The following SV2B variants were observed in gnomAD, a reference collection of about 807,000 sequenced individuals.
SV2B encodes the protein synaptic vesicle glycoprotein 2B.
Under a neutral mutation model 73.9 loss-of-function variants are expected in SV2B, and 41 were observed. The ratio of observed to expected loss-of-function variants is 0.56; its 90% confidence interval spans 0.43 to 0.72. SV2B has a LOEUF of 0.72. SV2B is among the 30% of genes least tolerant of loss of function. The pLI, the probability that SV2B is intolerant of heterozygous loss-of-function variation, is 0.00. For synonymous variants in SV2B, 314 were observed against 314.2 expected (o/e 1.00, Z 0.01); for missense variants, 764 against 857.8 (o/e 0.89, Z 1.37).
rs1217087885 is a variant in SV2B, at chr15:91,284,642, G to A, written c.1708+421G>A. Among the ~76,000 whole-genome samples, 1 of 152,194 alleles carries A rather than the reference G, an allele frequency of 6.6e-6. No homozygotes were observed. Among genetic ancestry groups the A allele is most frequent in the Non-Finnish European group, 1.5e-5 (1 of 68,014 alleles). Reference sequence around the variant, plus strand: ...TAATAGCAATACCACTTTAGGCTTTGGAGTTGGACAGAGTCATGTTGAAAT... The same window carrying A: ...TAATAGCAATACCACTTTAGGCTTTAGAGTTGGACAGAGTCATGTTGAAAT... On this transcript the variant is annotated intron_variant, in intron 11 of 12. Transcript: ENST00000394232. The surrounding 1 kb of genome is among the most constrained non-coding windows in gnomAD (Gnocchi z 4.5).
chr15:91,292,680 C>G lies in SV2B; in HGVS notation c.*128C>G. 3 of 1,218,022 alleles carry G rather than the reference C, an allele frequency of 2.5e-6. No homozygotes were observed. Among genetic ancestry groups the G allele is most frequent in the Non-Finnish European group, 2.2e-6 (2 of 900,982 alleles). 75.5% of individuals were successfully genotyped at this position (1,218,022 alleles called of 1,614,324 possible). A position where few individuals can be genotyped will look rare whatever the true frequency, so the allele number is the denominator to read the frequency against. ...CGGGAGGAGAAGTTGACTTTGTGAC[C>G]CCTAGTTTAGGACCCACTTCAGCTG... On this transcript the variant is annotated 3_prime_UTR_variant, in exon 13 of 13. Transcript: ENST00000394232.
intron 1 of SV2B, among the ~76,000 whole-genome samples, chr15:91,180,555 C>T (rs2044510621): frequency 6.6e-6 from 1 of 152,208 alleles, no homozygotes; most frequent in Non-Finnish European, 1.5e-5. Flanking sequence ...TTGGTCTTTT[C>T]ACATAGTCCC....
rs2049160625 is a variant in SV2B, at chr15:91,294,690, A to G, written c.*2138A>G. On this transcript the variant is annotated 3_prime_UTR_variant, in exon 13 of 13. Coordinates refer to ENST00000394232, the MANE Select transcript of SV2B (RefSeq NM_001323032.3). This position sits in a 1 kb window ranked among gnomAD's most constrained non-coding sequence, Gnocchi z 4.1. Reference sequence around the variant, plus strand: ...AGCAGCTACCACTTAAAAAACTTGCAGGACAGTTAGAGCCTGCATTTCTAG... The same window carrying G: ...AGCAGCTACCACTTAAAAAACTTGCGGGACAGTTAGAGCCTGCATTTCTAG... 6.6e-6 allele frequency: 1 copy of G among 152,218 alleles called. No individual in the cohort carries two copies. Among genetic ancestry groups the G allele is most frequent in the Non-Finnish European group, 1.5e-5 (1 of 68,038 alleles). The allele number at this position is 152,218 out of a possible 1,614,324, so 9.4% of individuals were successfully genotyped here. A position where few individuals can be genotyped will look rare whatever the true frequency, so the allele number is the denominator to read the frequency against.
At position 91,258,383 on chromosome 15, in the gene SV2B, A is replaced by G. The variant is rs1596713983; in HGVS notation, c.785-38A>G. The G allele has an allele frequency of 6.2e-7, 1 of 1,611,266 alleles. No homozygotes were observed. The highest frequency in any genetic ancestry group is 8.5e-7 in the Non-Finnish European group (1 of 1,178,592). On this transcript the variant is annotated intron_variant, in intron 4 of 12. Transcript: ENST00000394232. This position sits in a 1 kb window ranked among gnomAD's most constrained non-coding sequence, Gnocchi z 4.7. The stretch of plus-strand genomic sequence containing the variant: ...TCACTCTTCCGTAGAGGAAAAGATC[A>G]TGTCCCAGAAATCCTTTGACTGACT...
Position 91,118,693 on chromosome 15 carries a change from T to G in SV2B, c.-392+18330T>G, listed in dbSNP as rs72764718. Among the ~76,000 whole-genome samples, 74,246 of 151,978 alleles carry G rather than the reference T, an allele frequency of 0.49. 19,235 individuals carry two copies. The highest frequency in any genetic ancestry group is 0.59 in the Middle Eastern group (173 of 294). ...GGCTGAACACTGTCTCAAGAAAACT[T>G]TATACACAGAAGCCACCACATCAGA... On this transcript the variant is annotated intron_variant, in intron 1 of 12. Coordinates refer to ENST00000394232, the MANE Select transcript of SV2B (RefSeq NM_001323032.3). The surrounding 1 kb of genome is among the most constrained non-coding windows in gnomAD (Gnocchi z 4.7).
rs561196888 is a variant in SV2B, at chr15:91,227,817, C to T, written c.451+1103C>T. ...GACAGTCTCTATGAAATACCTGGTG[C>T]GATTCAGGTCCCCGATACTTGCTAT... On this transcript the variant is annotated intron_variant, in intron 2 of 12. Coordinates refer to ENST00000394232, the MANE Select transcript of SV2B (RefSeq NM_001323032.3). This position sits in a 1 kb window ranked among gnomAD's most constrained non-coding sequence, Gnocchi z 4.5. Among the ~76,000 whole-genome samples, 3 of 152,258 alleles carry T rather than the reference C, an allele frequency of 2.0e-5. No homozygotes were observed. The highest frequency in any genetic ancestry group is 4.2e-4 in the South Asian group (2 of 4,816).
At chr15:91,205,381 T>G (rs1239438460) in intron 1 of SV2B, among the ~76,000 whole-genome samples, 1 of 151,920 alleles carries the variant, frequency 6.6e-6, no homozygotes, top group Non-Finnish European at 1.5e-5. Flanking sequence ...TTTTTTTTTT[T>G]TTTAAACACA....
At chr15:91,146,829 C>T (rs2043160835) in intron 1 of SV2B, among the ~76,000 whole-genome samples, 1 of 152,174 alleles carries the variant, frequency 6.6e-6, no homozygotes, top group Non-Finnish European at 1.5e-5. Flanking sequence ...ATTAGTCAGA[C>T]CACAGTCTGA....
chr15:91,187,312 T>C (rs1164885003), intron 1 of SV2B, among the ~76,000 whole-genome samples: 1 of 152,260 alleles, frequency 6.6e-6, no homozygotes, highest in Non-Finnish European at 1.5e-5. Flanking sequence ...AATTCTATAA[T>C]GCTCTTAAAT....
intron 1 of SV2B, among the ~76,000 whole-genome samples, chr15:91,203,490 A>T (rs182134479): frequency 2.6e-5 from 4 of 152,364 alleles, no homozygotes; most frequent in Admixed American, 2.6e-4. Flanking sequence ...ATAACTGTAA[A>T]AGTTAACAGC....
chr15:91,153,835 G>A (rs1389120690), intron 1 of SV2B, among the ~76,000 whole-genome samples: 1 of 151,998 alleles, frequency 6.6e-6, no homozygotes, highest in Non-Finnish European at 1.5e-5. Flanking sequence ...GCAGGGGACA[G>A]TAACACAACA....
At position 91,252,139 on chromosome 15, in the gene SV2B, T is replaced by C; in HGVS notation, c.632+140T>C. ...GACTTTCAGGATACTATATTAAAGTTGAACCTTAGAAAGAGTTAGGGTTAG... is the reference window on the plus strand; with the variant it reads ...GACTTTCAGGATACTATATTAAAGTCGAACCTTAGAAAGAGTTAGGGTTAG... On this transcript the variant is annotated intron_variant, in intron 3 of 12. Transcript: ENST00000394232. The surrounding 1 kb of genome is among the most constrained non-coding windows in gnomAD (Gnocchi z 4.6). The C allele has an allele frequency of 7.9e-7, 1 of 1,260,046 alleles. No individual in the cohort carries two copies. Among genetic ancestry groups the C allele is most frequent in the Non-Finnish European group, 1.1e-6 (1 of 923,548 alleles). The allele number at this position is 1,260,046 out of a possible 1,614,324, so 78.1% of individuals were successfully genotyped here. A position where few individuals can be genotyped will look rare whatever the true frequency, so the allele number is the denominator to read the frequency against.
intron 1 of SV2B, among the ~76,000 whole-genome samples, chr15:91,213,414 C>CACTT (rs2045930074): frequency 6.6e-6 from 1 of 152,110 alleles, no homozygotes; most frequent in Non-Finnish European, 1.5e-5. Context: ...GTGACCTTGG[C>CACTT]AAGTGACTTA....
At chr15:91,142,724 A>G (rs1037659068) in intron 1 of SV2B, among the ~76,000 whole-genome samples, 3 of 152,210 alleles carry the variant, frequency 2.0e-5, no homozygotes, top group Non-Finnish European at 4.4e-5. Context: ...CAGACAGTAA[A>G]TAGAAGGTCC....
At chr15:91,168,981 A>G (rs910528880) in intron 1 of SV2B, among the ~76,000 whole-genome samples, 3 of 152,362 alleles carry the variant, frequency 2.0e-5, no homozygotes, top group Admixed American at 2.0e-4. Flanking sequence ...GAGAACCTAT[A>G]GTGAATTCCC....
intron 1 of SV2B, among the ~76,000 whole-genome samples, chr15:91,111,199 A>G (rs1449604727): frequency 6.6e-6 from 1 of 152,128 alleles, no homozygotes; most frequent in African/African-American, 2.4e-5. Context: ...GGCTAGTCCT[A>G]TCAGGTTTCT....
At chr15:91,270,958 T>A (rs1187515326) in intron 9 of SV2B, among the ~76,000 whole-genome samples, 2 of 150,102 alleles carry the variant, frequency 1.3e-5, no homozygotes, top group African/African-American at 2.5e-5. Context: ...GGGAGGACGG[T>A]GAGTCCTGTG....
At chr15:91,156,997 A>C (rs2043513480) in intron 1 of SV2B, among the ~76,000 whole-genome samples, 1 of 152,242 alleles carries the variant, frequency 6.6e-6, no homozygotes, top group African/African-American at 2.4e-5. Flanking sequence ...CTTGCTGCCC[A>C]GGGCTCTCTA....
rs138801912 is a variant in SV2B, at chr15:91,171,536, A to G, written c.-391-54337A>G. ...ACGTCACTTTATGCTCCCCTGGTCT[A>G]TTGGTTTGGGTCGTGTGTCATGTTG... On this transcript the variant is annotated intron_variant, in intron 1 of 12. Transcript: ENST00000394232. Among the ~76,000 whole-genome samples the G allele has an allele frequency of 7.2e-5, 11 of 152,146 alleles. 1 individual carries two copies. The highest frequency in any genetic ancestry group is 2.4e-4 in the African/African-American group (10 of 41,500).
Sources: allele counts gnomAD v4.1 joint callset (sites outside exome capture counted in the v4.1 genomes callset), GRCh38; gene constraint gnomAD v4.1.1; non-coding constraint Gnocchi (gnomAD v3.1); transcripts MANE v1.5; gene names NCBI Gene and HGNC (gene_info 2026-07-23, HGNC 2026-07-21).